PHKA1: variants seen among roughly 807,000 people sequenced by gnomAD.
PHKA1 encodes the protein phosphorylase b kinase regulatory subunit alpha, skeletal muscle isoform.
In PHKA1, 60 loss-of-function variants were observed where a neutral mutation model predicts 110.2. The observed-to-expected ratio is 0.54, with a 90% CI of 0.44 to 0.68. The LOEUF (loss-of-function observed/expected upper bound fraction) is 0.68, where lower values mean the gene tolerates loss of function less well. Ranked by LOEUF, PHKA1 falls within the 30% of genes least tolerant of loss-of-function variation. The pLI is 0.00. For synonymous variants in PHKA1, 316 were observed against 333.6 expected (o/e 0.95, Z 0.58); for missense variants, 801 against 942.5 (o/e 0.85, Z 1.97).
At chrX:72,610,784 T>C (rs954774390) in intron 22 of PHKA1, among the ~76,000 whole-genome samples, 1 of 111,738 alleles carries the variant, frequency 8.9e-6, no homozygotes, top group Non-Finnish European at 1.9e-5. Context: ...GAACCTAGTG[T>C]AAATTCATTC....
intron 2 of PHKA1, among the ~76,000 whole-genome samples, chrX:72,708,616 G>GA (rs1376910094): frequency 8.9e-6 from 1 of 111,813 alleles, no homozygotes; most frequent in Non-Finnish European, 1.9e-5. Flanking sequence ...GAAGGGAAGA[G>GA]AAAAGAGGGG....
At chrX:72,600,449 A>AT (rs2052643865) in intron 28 of PHKA1, among the ~76,000 whole-genome samples, 1 of 112,188 alleles carries the variant, frequency 8.9e-6, no homozygotes, top group Non-Finnish European at 1.9e-5. Flanking sequence ...TTATTTACAG[A>AT]TAATGCCAAT....
intron 21 of PHKA1, among the ~76,000 whole-genome samples, chrX:72,615,752 G>GGGAAGGAAGGAAGGAAGGAAGGAA (rs563484322): frequency 3.0e-5 from 1 of 33,448 alleles, no homozygotes; most frequent in Admixed American, 4.4e-4. Context: ...GAAGGAGGGG[G>GGGAAGGAAGGAAGGAAGGAAGGAA]GGAAGGAAGG....
intron 29 of PHKA1, among the ~76,000 whole-genome samples, chrX:72,589,943 G>A (rs1380054027): frequency 1.8e-5 from 2 of 111,124 alleles, no homozygotes; most frequent in Non-Finnish European, 3.8e-5. Context: ...ACAAATGGAA[G>A]AACATTCCAT....
intron 5 of PHKA1, among the ~76,000 whole-genome samples, chrX:72,680,640 C>G (rs1482172290): frequency 7.3e-5 from 8 of 109,198 alleles, no homozygotes; most frequent in Admixed American, 9.5e-5. Flanking sequence ...GTGGTTGGCG[C>G]GCTGCGCTGC....
chrX:72,698,189 G>GA (rs200129785), intron 3 of PHKA1, among the ~76,000 whole-genome samples: 6 of 103,371 alleles, frequency 5.8e-5, no homozygotes, highest in African/African-American at 3.5e-5. Context: ...GAAAATCTAA[G>GA]AAAAAAAAAA....
intron 14 of PHKA1, 89 bp from the exon 15 acceptor site, chrX:72,636,475 T>TAC: frequency 1.9e-6 from 1 of 538,054 alleles, no homozygotes; most frequent in East Asian, 3.6e-5. Flanking sequence ...TACACACACA[T>TAC]ACACAATGTA....
At chrX:72,665,690 T>C (rs2053609389) in intron 8 of PHKA1, among the ~76,000 whole-genome samples, 1 of 112,340 alleles carries the variant, frequency 8.9e-6, no homozygotes, top group Non-Finnish European at 1.9e-5. Context: ...TGATTAAATC[T>C]GATCAAGTTG....
At chrX:72,712,330 C>G (rs2054396429) in intron 2 of PHKA1, 1 of 137,647 alleles carries the variant, frequency 7.3e-6, no homozygotes, top group African/African-American at 3.2e-5. Context: ...CAGATAAAGT[C>G]TTTACTGTGT....
intron 14 of PHKA1, among the ~76,000 whole-genome samples, chrX:72,638,353 A>G (rs2053254202): frequency 9.5e-6 from 1 of 105,295 alleles, no homozygotes; most frequent in African/African-American, 3.5e-5. Context: ...CAGCCTGGGC[A>G]ACACAGTGAG....
At chrX:72,669,181 C>G (rs2053648811) in intron 6 of PHKA1, among the ~76,000 whole-genome samples, 3 of 110,601 alleles carry the variant, frequency 2.7e-5, no homozygotes, top group Non-Finnish European at 5.7e-5. Flanking sequence ...TTGCATGCTG[C>G]CAGTGACTCC....
intron 1 of PHKA1, 69 bp downstream of exon 1, chrX:72,713,734 A>G: frequency 3.5e-6 from 3 of 847,626 alleles, no homozygotes; most frequent in Non-Finnish European, 3.5e-6. Flanking sequence ...AGTTCATCCA[A>G]GGTCTCCGTC....
At chrX:72,671,198 G>A (rs782624322) in intron 6 of PHKA1, among the ~76,000 whole-genome samples, 1 of 110,688 alleles carries the variant, frequency 9.0e-6, no homozygotes, top group South Asian at 3.9e-4. Flanking sequence ...CATTGTCTCA[G>A]CCCAAAATCT....
chrX:72,620,774 G>A lies in PHKA1; in HGVS notation c.2088C>T (p.Thr696=), dbSNP rs1556276493. 6.6e-6 allele frequency: 8 copies of A among 1,208,169 alleles called. No individual in the cohort carries two copies. Among genetic ancestry groups the A allele is most frequent in the African/African-American group, 1.8e-5 (1 of 56,768 alleles). ...TGGTCACCAAGGACATTAAGTCGCA[G>A]GTTGTTTGCACAGCAGCTTGGAACC... ...LDRFQAAVQT[T]CDLMSLVTKA... The change falls in exon 19 of 32, where the codon ACC becomes ACT. Residue 696 remains threonine (T), a synonymous_variant. Coordinates refer to ENST00000373542, the MANE Select transcript of PHKA1 (RefSeq NM_002637.4).
intron 8 of PHKA1, among the ~76,000 whole-genome samples, chrX:72,661,861 G>A (rs938381019): frequency 9.0e-6 from 1 of 110,878 alleles, no homozygotes; most frequent in African/African-American, 3.3e-5. Context: ...AAATTCAAGT[G>A]GAGTGTCTGA....
chrX:72,621,743 A>T, intron 18 of PHKA1: 2 of 744,714 alleles, frequency 2.7e-6, no homozygotes, highest in Non-Finnish European at 3.2e-6. Flanking sequence ...CATCCTAATG[A>T]CAAAGATTGT....
rs183266031 is a variant in PHKA1 at position 72,651,265 on chromosome X, A to G, written c.1246-797T>C. Among the ~76,000 whole-genome samples the G allele has an allele frequency of 3.1e-3, 349 of 111,636 alleles. 1 individual carries two copies. The highest frequency in any genetic ancestry group is 0.011 in the African/African-American group (339 of 30,721). On this transcript the variant is annotated intron_variant, in intron 12 of 31. Transcript: ENST00000373542. The stretch of plus-strand genomic sequence containing the variant: ...AGAATACAAATCACTGGCCGGGCGC[A>G]GTGGCTCACGCCTGTAATCCCAGCA...
chrX:72,684,325 G>A (rs1423982082), intron 5 of PHKA1, among the ~76,000 whole-genome samples, 173 bp downstream of exon 5: 3 of 111,824 alleles, frequency 2.7e-5, no homozygotes, highest in African/African-American at 9.7e-5. Context: ...CCCTTGAAGA[G>A]AAGACACAGG....
chrX:72,672,578 T>A (rs782231897), intron 6 of PHKA1, among the ~76,000 whole-genome samples: 2 of 111,935 alleles, frequency 1.8e-5, no homozygotes, highest in African/African-American at 6.5e-5. Flanking sequence ...AATTGATTAA[T>A]GCATTCATGA....
Sources: allele counts gnomAD v4.1 joint callset (sites outside exome capture counted in the v4.1 genomes callset), GRCh38; gene constraint gnomAD v4.1.1; transcripts MANE v1.5; gene names NCBI Gene and HGNC (gene_info 2026-07-23, HGNC 2026-07-21).